Variants in GMDS observed in about 807,000 individuals in gnomAD.
The protein encoded by GMDS is GDP-mannose 4,6 dehydratase.
A neutral mutation model predicts 49.9 loss-of-function variants in GMDS; 20 were observed. That is an observed-to-expected ratio of 0.40 (90% confidence interval 0.28 to 0.58). The LOEUF (loss-of-function observed/expected upper bound fraction) is 0.58, where lower values mean the gene tolerates loss of function less well. Ranked by LOEUF, GMDS falls within the 20% of genes least tolerant of loss-of-function variation. The pLI is 0.42. For synonymous variants in GMDS, 177 were observed against 178.6 expected (o/e 0.99, Z 0.07); for missense variants, 362 against 481.4 (o/e 0.75, Z 2.32).
chr6:1,980,355 C>G (rs754388297), intron 4 of GMDS, among the ~76,000 whole-genome samples: 1 of 151,608 alleles, frequency 6.6e-6, no homozygotes, highest in Non-Finnish European at 1.5e-5. Context: ...GAAAAGTTAC[C>G]AAGCAAATGG....
At chr6:2,182,920 T>C (rs1373722777) in intron 1 of GMDS, among the ~76,000 whole-genome samples, 1 of 152,112 alleles carries the variant, frequency 6.6e-6, no homozygotes, top group African/African-American at 2.4e-5. Context: ...GTTCCCCAGG[T>C]TGGTCTCAAG....
chr6:2,121,517 C>A (rs1457586709), intron 2 of GMDS, among the ~76,000 whole-genome samples: 1 of 152,116 alleles, frequency 6.6e-6, no homozygotes, highest in Middle Eastern at 3.2e-3. Flanking sequence ...TCATTTCAAA[C>A]GGTTCATTCA....
At chr6:2,169,471 G>C (rs1581742311) in intron 1 of GMDS, among the ~76,000 whole-genome samples, 1 of 152,070 alleles carries the variant, frequency 6.6e-6, no homozygotes, top group East Asian at 1.9e-4. Flanking sequence ...AGCTGGGTGT[G>C]GTGGCAAGCA....
At chr6:1,708,910 G>A (rs1765842559) in intron 9 of GMDS, among the ~76,000 whole-genome samples, 1 of 152,246 alleles carries the variant, frequency 6.6e-6, no homozygotes, top group African/African-American at 2.4e-5. Context: ...ATTGTCAGGT[G>A]CTGTGGTGAC....
intron 1 of GMDS, among the ~76,000 whole-genome samples, chr6:2,152,845 C>G (rs1393526824): frequency 1.3e-5 from 2 of 152,140 alleles, no homozygotes; most frequent in Admixed American, 6.5e-5. Flanking sequence ...GAAAATATAA[C>G]TATATCAGAG....
At chr6:1,677,351 C>T (rs1207609575) in intron 9 of GMDS, among the ~76,000 whole-genome samples, 2 of 152,162 alleles carry the variant, frequency 1.3e-5, no homozygotes, top group African/African-American at 2.4e-5. Flanking sequence ...GTTGGTGGGA[C>T]TGTAAACTAG....
At chr6:1,864,463 G>A (rs1056243851) in intron 7 of GMDS, among the ~76,000 whole-genome samples, 7 of 152,110 alleles carry the variant, frequency 4.6e-5, no homozygotes, top group African/African-American at 1.7e-4. Context: ...CAGACTACTA[G>A]TCAAAACTAT....
intron 4 of GMDS, among the ~76,000 whole-genome samples, chr6:2,095,188 G>A (rs569728264): frequency 6.6e-6 from 1 of 152,252 alleles, no homozygotes; most frequent in African/African-American, 2.4e-5. Context: ...GTCCTTGCCT[G>A]ATCACGTGCA....
chr6:1,939,954 G>T (rs1031174870), intron 6 of GMDS, among the ~76,000 whole-genome samples: 2 of 151,946 alleles, frequency 1.3e-5, no homozygotes, highest in African/African-American at 4.8e-5. Flanking sequence ...TCCTACTAGG[G>T]ACAGTTCTAC....
At chr6:2,045,160 T>C in intron 4 of GMDS, among the ~76,000 whole-genome samples, 1 of 152,128 alleles carries the variant, frequency 6.6e-6, no homozygotes. Context: ...TTCATTTCAT[T>C]ATTTTTCCCA....
intron 4 of GMDS, among the ~76,000 whole-genome samples, chr6:2,108,791 A>G (rs945858232): frequency 2.6e-5 from 4 of 152,182 alleles, no homozygotes; most frequent in Admixed American, 6.5e-5. Flanking sequence ...GAGTGGCATC[A>G]TATCTGGGCT....
intron 7 of GMDS, among the ~76,000 whole-genome samples, chr6:1,757,337 G>A (rs571258890): frequency 1.3e-5 from 2 of 152,226 alleles, no homozygotes; most frequent in Admixed American, 1.3e-4. Flanking sequence ...TTCCTGGAGC[G>A]TGCCAAGCCA....
chr6:2,016,881 A>G (rs191696148), intron 4 of GMDS, among the ~76,000 whole-genome samples: 3 of 152,316 alleles, frequency 2.0e-5, no homozygotes, highest in Admixed American at 6.5e-5. Flanking sequence ...AAATTAAAAC[A>G]TATCAAAAAT....
chr6:2,064,566 A>T (rs910619911), intron 4 of GMDS, among the ~76,000 whole-genome samples: 1 of 151,804 alleles, frequency 6.6e-6, no homozygotes, highest in African/African-American at 2.4e-5. Context: ...ATCCCAAAGG[A>T]CCTCCTCCCC....
chr6:1,988,735 A>C (rs1765726184), intron 4 of GMDS, among the ~76,000 whole-genome samples: 1 of 152,236 alleles, frequency 6.6e-6, no homozygotes, highest in African/African-American at 2.4e-5. Flanking sequence ...TTTTTAAAAA[A>C]TAACAAAAGA....
At chr6:2,034,292 C>T (rs1769153479) in intron 4 of GMDS, among the ~76,000 whole-genome samples, 1 of 151,942 alleles carries the variant, frequency 6.6e-6, no homozygotes, top group Non-Finnish European at 1.5e-5. Flanking sequence ...TGTAACAACT[C>T]CTATTAAAAA....
chr6:1,860,293 A>C (rs901555448), intron 7 of GMDS, among the ~76,000 whole-genome samples: 3 of 152,258 alleles, frequency 2.0e-5, no homozygotes, highest in Non-Finnish European at 2.9e-5. Flanking sequence ...AGCAATCAAA[A>C]AGGAATGGAC....
intron 4 of GMDS, among the ~76,000 whole-genome samples, chr6:2,069,611 A>G (rs1224357166): frequency 6.6e-6 from 1 of 152,230 alleles, no homozygotes; most frequent in African/African-American, 2.4e-5. Context: ...GGCGAAGGAC[A>G]TGAACAGACA....
intron 7 of GMDS, among the ~76,000 whole-genome samples, chr6:1,852,722 T>TC (rs386696110): frequency 4.6e-5 from 7 of 151,960 alleles, no homozygotes; most frequent in South Asian, 2.1e-4. Context: ...TTTTTTTTTT[T>TC]CCCGAGATGG....
Sources: allele counts gnomAD v4.1 joint callset (sites outside exome capture counted in the v4.1 genomes callset), GRCh38; gene constraint gnomAD v4.1.1; transcripts MANE v1.5; gene names NCBI Gene and HGNC (gene_info 2026-07-23, HGNC 2026-07-21).